PIEZO2: variants seen among roughly 807,000 people sequenced by gnomAD.
PIEZO2 encodes the protein piezo-type mechanosensitive ion channel component 2.
Under a neutral mutation model 337.3 loss-of-function variants are expected in PIEZO2, and 172 were observed. The observed-to-expected ratio is 0.51, with a 90% CI of 0.45 to 0.58. PIEZO2 has a LOEUF of 0.58. Among genes scored for constraint, PIEZO2 ranks in the 20% least tolerant of loss-of-function variants. PIEZO2 has a pLI of 0.00. For missense variants in PIEZO2, 3,028 were observed against 3,391.3 expected, an observed-to-expected ratio of 0.89 and a Z score of 2.66; for synonymous variants, 1,251 against 1,228.5, an observed-to-expected ratio of 1.02 and a Z score of -0.38.
chr18:10,781,288 GTGAAAC>G lies in PIEZO2; in HGVS notation c.2493-928_2493-923del, dbSNP rs2038973059. 6.6e-6 allele frequency among the ~76,000 whole-genome samples: 1 copy of G among 151,864 alleles called. No individual in the cohort carries two copies. The highest frequency in any genetic ancestry group is 1.5e-5 in the Non-Finnish European group (1 of 67,988). ...GTTCGATACCAGCCTGGCCAATATG[GTGAAAC>G]CCCCGTCTCTATTAAAAATAGAAAA... On this transcript the variant is annotated intron_variant, in intron 17 of 55. Transcript: ENST00000674853. This position sits in a 1 kb window ranked among gnomAD's most constrained non-coding sequence, Gnocchi z 4.1.
rs1220827726 is a variant in PIEZO2, at chr18:11,038,272, T to C, written c.160+27855A>G. 4.6e-5 allele frequency among the ~76,000 whole-genome samples: 7 copies of C among 152,126 alleles called. No homozygotes were observed. The highest frequency in any genetic ancestry group is 3.3e-4 in the Admixed American group (5 of 15,272). ...AATTCATCATATTCTGCTTGGATAA[T>C]GTAAATTGCTTGCAAGAAAAAGCCA... On this transcript the variant is annotated intron_variant, in intron 2 of 55. Coordinates refer to ENST00000674853, the MANE Select transcript of PIEZO2 (RefSeq NM_001378183.1). This position sits in a 1 kb window ranked among gnomAD's most constrained non-coding sequence, Gnocchi z 4.1.
chr18:11,087,847 G>A (rs552642163), intron 1 of PIEZO2, among the ~76,000 whole-genome samples: 9 of 152,252 alleles, frequency 5.9e-5, no homozygotes, highest in Admixed American at 2.6e-4. Flanking sequence ...CACGGTGCCT[G>A]CCTTTCCTCC....
rs2039682219 is a variant in PIEZO2, at chr18:11,109,990, G to A, written c.64+38535C>T. Among the ~76,000 whole-genome samples the A allele has an allele frequency of 1.3e-5, 2 of 152,206 alleles. No individual in the cohort carries two copies. The highest frequency in any genetic ancestry group is 2.1e-4 in the South Asian group (1 of 4,820). On this transcript the variant is annotated intron_variant, in intron 1 of 55. Coordinates refer to ENST00000674853, the MANE Select transcript of PIEZO2 (RefSeq NM_001378183.1). The surrounding 1 kb of genome is among the most constrained non-coding windows in gnomAD (Gnocchi z 5.1). Reference sequence around the variant, plus strand: ...TGGGACAAAGGTAACATTTGACCATGTGAGTCTGAAAACATGTTTCTTCCA... The same window carrying A: ...TGGGACAAAGGTAACATTTGACCATATGAGTCTGAAAACATGTTTCTTCCA...
intron 21 of PIEZO2, 75 bp from the exon 22 acceptor site, chr18:10,763,173 A>T (rs2038212906): frequency 7.0e-7 from 1 of 1,438,182 alleles, no homozygotes; most frequent in Admixed American, 2.1e-5. Flanking sequence ...ACAAAACAGG[A>T]TGACTTGATT....
intron 3 of PIEZO2, among the ~76,000 whole-genome samples, chr18:10,928,191 G>A (rs143624403): frequency 1.3e-3 from 192 of 152,272 alleles, no homozygotes; most frequent in African/African-American, 3.9e-3. Flanking sequence ...AAGGGAAAGC[G>A]GGGGAGCTAT....
In PIEZO2 at chr18:10,955,497, A is replaced by G. The variant is rs1484035345; in HGVS notation, c.286+24038T>C. ...AGTGTTTTGCTTCAATCTGCTTATT[A>G]TAACATTTCAGTTCTGTGTAAACAA... On this transcript the variant is annotated intron_variant, in intron 3 of 55. Transcript: ENST00000674853. 2.6e-5 allele frequency among the ~76,000 whole-genome samples: 4 copies of G among 152,302 alleles called. No individual in the cohort carries two copies. The East Asian group carries it at 7.7e-4, about 29-fold the overall frequency.
At chr18:10,874,935 T>G (rs941756975) in intron 4 of PIEZO2, among the ~76,000 whole-genome samples, 4 of 152,154 alleles carry the variant, frequency 2.6e-5, no homozygotes. Context: ...TAATAGTTTA[T>G]TATATATTTC....
chr18:11,014,545 C>T (rs894052741), intron 2 of PIEZO2, among the ~76,000 whole-genome samples: 3 of 148,434 alleles, frequency 2.0e-5, no homozygotes, highest in African/African-American at 7.5e-5. Flanking sequence ...CGATCCAGAG[C>T]CCCTCATTCC....
At chr18:10,852,845 C>A (rs888013931) in intron 7 of PIEZO2, among the ~76,000 whole-genome samples, 6 of 152,018 alleles carry the variant, frequency 3.9e-5, no homozygotes, top group Admixed American at 6.6e-5. Context: ...GGAGAGGGCA[C>A]CCCCCACCCA....
chr18:11,035,122 GA>G lies in PIEZO2; in HGVS notation c.160+31004del, dbSNP rs2036879156. The stretch of plus-strand genomic sequence containing the variant: ...AGAGTGTGTAGAAGGGGATGGAGCT[GA>G]GGGCTGCTTCTGACTCCTGAGATGG... On this transcript the variant is annotated intron_variant, in intron 2 of 55. Transcript: ENST00000674853. The surrounding 1 kb of genome is among the most constrained non-coding windows in gnomAD (Gnocchi z 4.3). Among the ~76,000 whole-genome samples the G allele has an allele frequency of 6.6e-6, 1 of 152,164 alleles. No homozygotes were observed. Among genetic ancestry groups the G allele is most frequent in the Non-Finnish European group, 1.5e-5 (1 of 68,038 alleles).
At position 10,894,760 on chromosome 18, in the gene PIEZO2, G is replaced by A. The variant is rs949523753; in HGVS notation, c.329+16426C>T. The stretch of plus-strand genomic sequence containing the variant: ...CCCCTTCCAAGAGTAATTTACTTTC[G>A]TTTCATTCCTGCTCTAAAGCTTTTT... On this transcript the variant is annotated intron_variant, in intron 4 of 55. Coordinates refer to ENST00000674853, the MANE Select transcript of PIEZO2 (RefSeq NM_001378183.1). This position sits in a 1 kb window ranked among gnomAD's most constrained non-coding sequence, Gnocchi z 4.1. 4 of 152,194 alleles carry A rather than the reference G, an allele frequency of 2.6e-5. No individual in the cohort carries two copies. Among genetic ancestry groups the A allele is most frequent in the Non-Finnish European group, 2.9e-5 (2 of 68,048 alleles). The allele number at this position is 152,194 out of a possible 1,614,324, so 9.4% of individuals were successfully genotyped here.
rs1036993266 is a variant in PIEZO2 at position 10,833,712 on chromosome 18, C to A, written c.917+21641G>T. On this transcript the variant is annotated intron_variant, in intron 7 of 55. Transcript: ENST00000674853. This position sits in a 1 kb window ranked among gnomAD's most constrained non-coding sequence, Gnocchi z 4.7. ...CTTCTCATATCTCTCTGGAGAGACA[C>A]TTTCTTCTTTCTAGTCAGCTTTGGG... is the stretch of plus-strand genomic sequence containing the variant. Among the ~76,000 whole-genome samples the A allele has an allele frequency of 1.3e-5, 2 of 152,226 alleles. No individual in the cohort carries two copies. The highest frequency in any genetic ancestry group is 2.4e-5 in the African/African-American group (1 of 41,464).
intron 36 of PIEZO2, among the ~76,000 whole-genome samples, chr18:10,719,657 A>G (rs911965209): frequency 2.0e-5 from 3 of 152,200 alleles, no homozygotes; most frequent in Non-Finnish European, 4.4e-5. Flanking sequence ...GCTACAATAA[A>G]CATGTGAGTG....
intron 21 of PIEZO2, among the ~76,000 whole-genome samples, chr18:10,765,807 G>A: frequency 6.6e-6 from 1 of 152,114 alleles, no homozygotes; most frequent in East Asian, 1.9e-4. Flanking sequence ...TGTGGACAGA[G>A]ACTGAGGAAC....
Position 10,672,121 on chromosome 18 carries a change from A to G in PIEZO2, c.8346-342T>C, listed in dbSNP as rs1002538198. Among the ~76,000 whole-genome samples, 1 of 152,200 alleles carries G rather than the reference A, an allele frequency of 6.6e-6. No individual in the cohort carries two copies. The highest frequency in any genetic ancestry group is 1.5e-5 in the Non-Finnish European group (1 of 68,024). ...GCATAAACCATATAATGTATTTGGT[A>G]GAAATGTAATTATATATGATTTTCT... is the stretch of plus-strand genomic sequence containing the variant. On this transcript the variant is annotated intron_variant, in intron 55 of 55. Coordinates refer to ENST00000674853, the MANE Select transcript of PIEZO2 (RefSeq NM_001378183.1). This position sits in a 1 kb window ranked among gnomAD's most constrained non-coding sequence, Gnocchi z 4.7.
At position 11,022,450 on chromosome 18, in the gene PIEZO2, C is replaced by T. The variant is rs148548859; in HGVS notation, c.161-42790G>A. On this transcript the variant is annotated intron_variant, in intron 2 of 55. Transcript: ENST00000674853. Reference sequence around the variant, plus strand: ...GGCTTCAGAAACAGACACTGATTGTCTCAGTTGTAAAGGCTAGAAGCCCAC... The same window carrying T: ...GGCTTCAGAAACAGACACTGATTGTTTCAGTTGTAAAGGCTAGAAGCCCAC... Among the ~76,000 whole-genome samples, 739 of 152,272 alleles carry T rather than the reference C, an allele frequency of 4.9e-3. 10 individuals carry two copies. The highest frequency in any genetic ancestry group is 0.015 in the African/African-American group (632 of 41,556).
intron 2 of PIEZO2, among the ~76,000 whole-genome samples, chr18:11,045,283 G>A (rs2037265622): frequency 9.1e-6 from 1 of 110,286 alleles, no homozygotes; most frequent in South Asian, 3.4e-4. Flanking sequence ...GCGACAGAGT[G>A]AGACTCCGTC....
intron 7 of PIEZO2, among the ~76,000 whole-genome samples, chr18:10,826,961 G>T (rs1454757131): frequency 6.6e-6 from 1 of 152,110 alleles, no homozygotes; most frequent in Non-Finnish European, 1.5e-5. Context: ...TTCAGATGTA[G>T]CCTTCAAAGG....
rs35062123 is a variant in PIEZO2, at chr18:10,970,000, C to CA, written c.286+9534dup. Among the ~76,000 whole-genome samples the CA allele has an allele frequency of 4.6e-5, 7 of 150,544 alleles. No individual in the cohort carries two copies. The highest frequency in any genetic ancestry group is 9.8e-5 in the African/African-American group (4 of 41,000). The stretch of plus-strand genomic sequence containing the variant: ...GCCACTGTGGTCAGTGCTCAGGTTA[C>CA]AAAAAAAAATGAAACATGAGAGGTT... On this transcript the variant is annotated intron_variant, in intron 3 of 55. Transcript: ENST00000674853. This position sits in a 1 kb window ranked among gnomAD's most constrained non-coding sequence, Gnocchi z 4.5.
Sources: gnomAD v4.1 joint callset for allele counts (sites outside exome capture counted in the v4.1 genomes callset) on GRCh38, gnomAD v4.1.1 for gene constraint, Gnocchi (gnomAD v3.1) non-coding constraint, MANE v1.5 for transcripts, NCBI Gene and HGNC (gene_info 2026-07-23, HGNC 2026-07-21) for gene names.